Variants in EPHA6 observed in about 807,000 individuals in gnomAD.
EPHA6 encodes the protein EPH receptor A6, also known as ephrin type-A receptor 6.
EPHA6 carries 50 observed loss-of-function variants against 112.0 expected under a neutral mutation model. The observed-to-expected ratio is 0.45, with a 90% confidence interval of 0.36 to 0.56. The LOEUF (loss-of-function observed/expected upper bound fraction) is 0.56. Ranked by LOEUF, EPHA6 falls within the 20% of genes least tolerant of loss-of-function variation. The pLI is 0.00. For missense variants in EPHA6, 1,280 were observed against 1,417.4 expected (o/e 0.90, Z 1.56); for synonymous variants, 529 against 490.7 (o/e 1.08, Z -1.03).
intron 7 of EPHA6, among the ~76,000 whole-genome samples, chr3:97,449,585 G>C (rs987380805): frequency 6.6e-6 from 1 of 151,966 alleles, no homozygotes; most frequent in Non-Finnish European, 1.5e-5. Flanking sequence ...ACATGGAATT[G>C]TTCATTCAAA....
chr3:97,357,950 G>A (rs1013657165), intron 5 of EPHA6, among the ~76,000 whole-genome samples: 1 of 152,102 alleles, frequency 6.6e-6, no homozygotes, highest in Non-Finnish European at 1.5e-5. Context: ...AAGAGGGGAT[G>A]GTCTTGCTGT....
intron 3 of EPHA6, among the ~76,000 whole-genome samples, chr3:97,194,370 A>G (rs1048072323): frequency 6.6e-6 from 1 of 151,172 alleles, no homozygotes; most frequent in Non-Finnish European, 1.5e-5. Context: ...ATGTGTTTTG[A>G]TAGTTTCTAA....
chr3:97,086,201 C>T (rs1396088559), intron 3 of EPHA6, among the ~76,000 whole-genome samples: 1 of 151,798 alleles, frequency 6.6e-6, no homozygotes, highest in African/African-American at 2.4e-5. Context: ...TTAGTTTGAC[C>T]TTTTCTGCAA....
intron 5 of EPHA6, among the ~76,000 whole-genome samples, chr3:97,384,571 G>C (rs898471787): frequency 6.6e-6 from 1 of 152,166 alleles, no homozygotes; most frequent in Non-Finnish European, 1.5e-5. Flanking sequence ...CTGTCCTCCT[G>C]ACATGTGCCA....
chr3:97,022,248 T>TA, intron 3 of EPHA6, among the ~76,000 whole-genome samples: 2 of 152,294 alleles, frequency 1.3e-5, no homozygotes, highest in South Asian at 2.1e-4. Flanking sequence ...CTTGAGGAGT[T>TA]ACAACATGTC....
intron 3 of EPHA6, among the ~76,000 whole-genome samples, chr3:97,027,693 AT>A (rs1190060834): frequency 6.6e-6 from 1 of 152,182 alleles, no homozygotes; most frequent in Non-Finnish European, 1.5e-5. Flanking sequence ...CAAACTTTTA[AT>A]GCTTTATAAC....
chr3:96,917,576 C>T (rs968970787), intron 2 of EPHA6, among the ~76,000 whole-genome samples: 46 of 152,054 alleles, frequency 3.0e-4, no homozygotes, highest in African/African-American at 1.1e-3. Context: ...AGCCTGCTCC[C>T]ATGCACAGTA....
intron 11 of EPHA6, among the ~76,000 whole-genome samples, chr3:97,578,711 T>G (rs966136117): frequency 6.6e-6 from 1 of 152,220 alleles, no homozygotes; most frequent in Non-Finnish European, 1.5e-5. Flanking sequence ...AAAGATTTTT[T>G]CAGACCGAAG....
chr3:96,890,136 A>G (rs1319487888), intron 2 of EPHA6, among the ~76,000 whole-genome samples: 1 of 152,008 alleles, frequency 6.6e-6, no homozygotes, highest in Non-Finnish European at 1.5e-5. Context: ...AAAAAAACAT[A>G]AAAATATAAA....
At chr3:97,031,998 G>A (rs1025344719) in intron 3 of EPHA6, among the ~76,000 whole-genome samples, 27 of 151,822 alleles carry the variant, frequency 1.8e-4, no homozygotes, top group African/African-American at 3.4e-4. Flanking sequence ...ACATGCACAC[G>A]TATGTTTATT....
chr3:96,960,066 C>T (rs551853866), intron 2 of EPHA6, among the ~76,000 whole-genome samples: 28 of 152,130 alleles, frequency 1.8e-4, no homozygotes, highest in Admixed American at 2.6e-4. Context: ...GATGCAAGTA[C>T]GAGTAATGTC....
chr3:97,215,673 T>G (rs556670123), intron 3 of EPHA6, among the ~76,000 whole-genome samples: 1 of 152,230 alleles, frequency 6.6e-6, no homozygotes, highest in South Asian at 2.1e-4. Flanking sequence ...TTAGTTTGCC[T>G]TTAATATATG....
intron 5 of EPHA6, among the ~76,000 whole-genome samples, chr3:97,363,956 A>C (rs2084559899): frequency 6.6e-6 from 1 of 152,088 alleles, no homozygotes; most frequent in African/African-American, 2.4e-5. Context: ...AGAATAGTCA[A>C]ATTCATAAAG....
At chr3:97,300,609 C>T (rs926382696) in intron 5 of EPHA6, among the ~76,000 whole-genome samples, 1 of 152,072 alleles carries the variant, frequency 6.6e-6, no homozygotes, top group Non-Finnish European at 1.5e-5. Context: ...GCTTTTGCTA[C>T]CTCATTTTGC....
intron 15 of EPHA6, among the ~76,000 whole-genome samples, chr3:97,725,214 TC>T (rs1428582192): frequency 6.6e-6 from 1 of 152,100 alleles, no homozygotes; most frequent in Non-Finnish European, 1.5e-5. Flanking sequence ...GGCTCAGTAT[TC>T]CAGCTTTGCA....
chr3:97,010,162 T>A, intron 3 of EPHA6: 11 of 1,088,768 alleles, frequency 1.0e-5, no homozygotes, highest in Non-Finnish European at 1.3e-5. Flanking sequence ...TTGTTGTGTT[T>A]TCATTAAGAA....
rs1240196765 is a variant in EPHA6 at position 96,915,730 on chromosome 3, CAGT to C, written c.450+48846_450+48848del. Among the ~76,000 whole-genome samples, 20 of 152,142 alleles carry C rather than the reference CAGT, an allele frequency of 1.3e-4. No individual in the cohort carries two copies. In the East Asian group the frequency reaches 3.9e-3, roughly 29 times the overall value. On this transcript the variant is annotated intron_variant, in intron 2 of 17. Coordinates refer to ENST00000389672, the MANE Select transcript of EPHA6 (RefSeq NM_001080448.3). Reference sequence around the variant, plus strand: ...TTGATAATCATAGCAATTGCAGCAGCAGTAGTAATAATTATAGAGATAGCACAT... The same window carrying C: ...TTGATAATCATAGCAATTGCAGCAGCAGTAATAATTATAGAGATAGCACAT...
chr3:97,532,440 T>C lies in EPHA6; in HGVS notation c.2283T>C (p.Gly761=). The C allele has an allele frequency of 6.2e-7, 1 of 1,612,610 alleles. No individual in the cohort carries two copies. The highest frequency in any genetic ancestry group is 8.5e-7 in the Non-Finnish European group (1 of 1,178,978). The change falls in exon 11 of 18, where the codon GGT becomes GGC. Residue 761 remains glycine, a synonymous_variant. Transcript: ENST00000389672. ...EIPVAIKTLK[G]GHMDRQRRDF... Reference sequence around the variant, plus strand: ...CAGTTGCCATTAAAACTTTGAAAGGTGGCCACATGGATCGGCAAAGAAGAG... The same window carrying C: ...CAGTTGCCATTAAAACTTTGAAAGGCGGCCACATGGATCGGCAAAGAAGAG...
At chr3:97,176,914 C>A (rs1026232200) in intron 3 of EPHA6, among the ~76,000 whole-genome samples, 6 of 148,190 alleles carry the variant, frequency 4.0e-5, no homozygotes, top group South Asian at 4.2e-4. Flanking sequence ...TTTATTGTTT[C>A]TTCTACTAGT....
Sources: gnomAD v4.1 joint callset for allele counts (sites outside exome capture counted in the v4.1 genomes callset) on GRCh38, gnomAD v4.1.1 for gene constraint, MANE v1.5 for transcripts, NCBI Gene and HGNC (gene_info 2026-07-23, HGNC 2026-07-21) for gene names.